SLC41A2: variants seen among roughly 807,000 people sequenced by gnomAD.
SLC41A2 encodes the protein solute carrier family 41 member 2.
A neutral mutation model predicts 58.3 loss-of-function variants in SLC41A2; 32 were observed. The ratio of observed to expected loss-of-function variants is 0.55; its 90% CI spans 0.41 to 0.74. The LOEUF is 0.74. Ranked by LOEUF, SLC41A2 falls within the 30% of genes least tolerant of loss-of-function variation. The probability of loss-of-function intolerance (pLI) is 0.00; values close to 1 mark genes in which losing one functional copy is unlikely to be tolerated. For synonymous variants in SLC41A2, 190 were observed against 235.0 expected (o/e 0.81, Z 1.75); for missense variants, 514 against 680.6 (o/e 0.76, Z 2.72).
Position 104,922,478 on chromosome 12 carries a change from A to G in SLC41A2, c.555+5495T>C, listed in dbSNP as rs961562572. Among the ~76,000 whole-genome samples, 14 of 149,984 alleles carry G rather than the reference A, an allele frequency of 9.3e-5. No homozygotes were observed. In the South Asian group the frequency reaches 1.3e-3, roughly 13 times the overall value. On this transcript the variant is annotated intron_variant, in intron 2 of 10. Coordinates refer to ENST00000258538, the MANE Select transcript of SLC41A2 (RefSeq NM_001352171.3). Reference sequence around the variant, plus strand: ...TTCAGCAAGAAGACATAACAATTGTATATATATATATATATCCACCCAACA... The same window carrying G: ...TTCAGCAAGAAGACATAACAATTGTGTATATATATATATATCCACCCAACA...
chr12:104,936,967 T>C (rs1329745767), intron 1 of SLC41A2, among the ~76,000 whole-genome samples: 1 of 152,202 alleles, frequency 6.6e-6, no homozygotes, highest in Non-Finnish European at 1.5e-5. Flanking sequence ...TGTTACAGGC[T>C]GGGTGCAATG....
intron 3 of SLC41A2, among the ~76,000 whole-genome samples, chr12:104,905,551 C>T (rs970934847): frequency 7.2e-5 from 11 of 152,220 alleles, no homozygotes; most frequent in Admixed American, 2.6e-4. Flanking sequence ...GACTGGGCGC[C>T]GTGGAGCAGG....
intron 2 of SLC41A2, among the ~76,000 whole-genome samples, chr12:104,921,927 T>C (rs1055208856): frequency 6.6e-6 from 1 of 152,214 alleles, no homozygotes; most frequent in Admixed American, 6.5e-5. Flanking sequence ...TTTCTATTAT[T>C]TTCTTTGTGA....
intron 2 of SLC41A2, among the ~76,000 whole-genome samples, chr12:104,924,230 G>A (rs1593151812): frequency 6.6e-6 from 1 of 152,228 alleles, no homozygotes; most frequent in East Asian, 1.9e-4. Flanking sequence ...CACTCCACAT[G>A]TGCCAGAATT....
intron 10 of SLC41A2, among the ~76,000 whole-genome samples, chr12:104,822,978 A>T (rs1182403049): frequency 2.6e-5 from 4 of 152,176 alleles, no homozygotes; most frequent in Admixed American, 2.6e-4. Flanking sequence ...TTGTTTTGAC[A>T]TGGGAGAGTC....
At chr12:104,892,301 A>AAAAATAAAATAAAAT (rs372175701) in intron 4 of SLC41A2, among the ~76,000 whole-genome samples, 1 of 140,612 alleles carries the variant, frequency 7.1e-6, no homozygotes, top group Non-Finnish European at 1.5e-5. Context: ...ATCTCAAAAA[A>AAAAATAAAATAAAAT]AAAATAAAAT....
Position 104,866,583 on chromosome 12 carries a change from AAATT to A in SLC41A2, c.1028-8_1028-5del. 6.8e-7 allele frequency: 1 copy of A among 1,480,714 alleles called. No homozygotes were observed. The allele number at this position is 1,480,714 out of a possible 1,614,324, so 91.7% of individuals were successfully genotyped here. On this transcript the variant is annotated splice_polypyrimidine_tract_variant and splice_region_variant and intron_variant, in intron 6 of 10. Transcript: ENST00000258538. ...GGAGAAATGTAGTAATAGGTCTCTA[AAATT>A]AAAAAAAAAAAAAAAAAGAGAGACA...
intron 8 of SLC41A2, among the ~76,000 whole-genome samples, chr12:104,852,450 TA>T (rs2042837132): frequency 6.6e-6 from 1 of 152,200 alleles, no homozygotes; most frequent in Admixed American, 6.5e-5. Flanking sequence ...TACTGATGAT[TA>T]ATTGTAGCTC....
intron 10 of SLC41A2, among the ~76,000 whole-genome samples, chr12:104,839,329 A>T (rs1373887278): frequency 6.6e-6 from 1 of 152,142 alleles, no homozygotes. Context: ...ATACATAATC[A>T]TCATAATAAA....
At chr12:104,897,733 T>C (rs1025019038) in intron 3 of SLC41A2, among the ~76,000 whole-genome samples, 1 of 152,214 alleles carries the variant, frequency 6.6e-6, no homozygotes, top group Non-Finnish European at 1.5e-5. Flanking sequence ...TAAAGAGAAA[T>C]GTTGCCCCAA....
intron 1 of SLC41A2, among the ~76,000 whole-genome samples, chr12:104,943,148 T>TA (rs1305693098): frequency 1.3e-5 from 2 of 151,714 alleles, no homozygotes; most frequent in Non-Finnish European, 2.9e-5. Context: ...GGTTAAAGTT[T>TA]AAAAGGAAAA....
At chr12:104,935,457 TATC>T (rs1298652304) in intron 1 of SLC41A2, among the ~76,000 whole-genome samples, 4 of 152,100 alleles carry the variant, frequency 2.6e-5, no homozygotes, top group Non-Finnish European at 2.9e-5. Context: ...TCACATTACA[TATC>T]ATAAATATAT....
chr12:104,888,191 A>C (rs2044767880), intron 5 of SLC41A2, among the ~76,000 whole-genome samples: 1 of 152,054 alleles, frequency 6.6e-6, no homozygotes, highest in African/African-American at 2.4e-5. Flanking sequence ...TTATGAAGAC[A>C]AGAAACTACC....
chr12:104,876,220 T>C (rs2135571541), intron 6 of SLC41A2, among the ~76,000 whole-genome samples: 1 of 152,266 alleles, frequency 6.6e-6, no homozygotes, highest in Middle Eastern at 3.4e-3. Context: ...GCCAACTAAG[T>C]TTTGTTAATG....
intron 10 of SLC41A2, among the ~76,000 whole-genome samples, chr12:104,842,377 G>A (rs1447025315): frequency 6.6e-6 from 1 of 151,804 alleles, no homozygotes; most frequent in African/African-American, 2.4e-5. Flanking sequence ...TGATTCTTGG[G>A]GGAAAAATGA....
rs116607721 is a variant in SLC41A2, at chr12:104,929,591, T to C, written c.-167-897A>G. 3.5e-3 allele frequency among the ~76,000 whole-genome samples: 538 copies of C among 152,332 alleles called. 4 individuals are homozygous for C. Among genetic ancestry groups the C allele is most frequent in the African/African-American group, 0.012 (513 of 41,560 alleles). ...ATAACTGTGGCACATCAAAGAGTGA[T>C]GGGCACTGAAGCTGCAAGGTCACCC... On this transcript the variant is annotated intron_variant, in intron 1 of 10. Transcript: ENST00000258538.
Position 104,934,331 on chromosome 12 carries a change from G to A in SLC41A2, c.-167-5637C>T, listed in dbSNP as rs546639708. Among the ~76,000 whole-genome samples, 10 of 152,294 alleles carry A rather than the reference G, an allele frequency of 6.6e-5. No individual in the cohort carries two copies. The East Asian group carries it at 1.2e-3, about 18-fold the overall frequency. Reference sequence around the variant, plus strand: ...AGTAGCACAGCTGGGAAGAACCAGTGTCTTTAAAACTCCTAGGATTCTTAC... The same window carrying A: ...AGTAGCACAGCTGGGAAGAACCAGTATCTTTAAAACTCCTAGGATTCTTAC... On this transcript the variant is annotated intron_variant, in intron 1 of 10. Coordinates refer to ENST00000258538, the MANE Select transcript of SLC41A2 (RefSeq NM_001352171.3).
At chr12:104,942,110 C>A (rs979249615) in intron 1 of SLC41A2, among the ~76,000 whole-genome samples, 3 of 152,010 alleles carry the variant, frequency 2.0e-5, no homozygotes, top group African/African-American at 7.3e-5. Context: ...ATTTATTCCC[C>A]CTACTCTGTC....
At chr12:104,942,564 C>T (rs2047554303) in intron 1 of SLC41A2, among the ~76,000 whole-genome samples, 1 of 152,036 alleles carries the variant, frequency 6.6e-6, no homozygotes, top group African/African-American at 2.4e-5. Context: ...GCACCTCCTC[C>T]CCTATACAGT....
Sources: allele counts gnomAD v4.1 joint callset (sites outside exome capture counted in the v4.1 genomes callset), GRCh38; gene constraint gnomAD v4.1.1; transcripts MANE v1.5; gene names NCBI Gene and HGNC (gene_info 2026-07-23, HGNC 2026-07-21).